PCDHA5: variants seen among roughly 807,000 people sequenced by gnomAD.
The protein encoded by PCDHA5 is protocadherin alpha-5.
PCDHA5 carries 43 observed loss-of-function variants against 61.6 expected under a neutral mutation model. The observed-to-expected ratio is 0.70, with a 90% CI of 0.55 to 0.90. PCDHA5 has a LOEUF of 0.90. Among genes scored for constraint, PCDHA5 ranks in the 40% least tolerant of loss-of-function variants. The pLI, the probability that PCDHA5 is intolerant of heterozygous loss-of-function variation, is 0.00. For synonymous variants in PCDHA5, 627 were observed against 543.9 expected, an observed-to-expected ratio of 1.15 and a Z score of -2.13; for missense variants, 1,298 against 1,222.7, an observed-to-expected ratio of 1.06 and a Z score of -0.92.
intron 1 of PCDHA5, among the ~76,000 whole-genome samples, chr5:140,959,018 A>T (rs1374346226): frequency 6.6e-6 from 1 of 152,078 alleles, no homozygotes; most frequent in Non-Finnish European, 1.5e-5. Flanking sequence ...TTTATACATT[A>T]AGCTTTATCA....
At chr5:140,929,228 A>G in intron 1 of PCDHA5, 1 of 1,613,898 alleles carries the variant, frequency 6.2e-7, no homozygotes, top group Non-Finnish European at 8.5e-7. Flanking sequence ...AATGCTGCCG[A>G]CCTGCGAAAT....
chr5:140,898,033 GTTGT>G (rs2066486498), intron 1 of PCDHA5, among the ~76,000 whole-genome samples: 1 of 152,032 alleles, frequency 6.6e-6, no homozygotes, highest in South Asian at 2.1e-4. Flanking sequence ...TTTTGATGGG[GTTGT>G]TTGTTTTTTT....
intron 1 of PCDHA5, chr5:140,871,289 G>T (rs955449203): frequency 6.2e-7 from 1 of 1,613,910 alleles, no homozygotes; most frequent in Non-Finnish European, 8.5e-7. Flanking sequence ...CCCACTGAGG[G>T]CGCGTGCGCG....
rs2150467797 is a variant in PCDHA5 at position 140,850,109 on chromosome 5, C to G, written c.2352+25982C>G. ...TGCTACAGTTCCAGGTGAGCGCGCG[C>G]GACGCGGGCGTGCCGCCTCTGGGCA... On this transcript the variant is annotated intron_variant, in intron 1 of 3. Coordinates refer to ENST00000529859, the MANE Select transcript of PCDHA5 (RefSeq NM_018908.3). 1.1e-4 allele frequency: 170 copies of G among 1,596,054 alleles called. 9 individuals are homozygous for G. Among genetic ancestry groups the G allele is most frequent in the Non-Finnish European group, 2.6e-5 (30 of 1,167,820 alleles).
chr5:140,919,455 ATGT>A (rs2079137711), intron 1 of PCDHA5, among the ~76,000 whole-genome samples: 1 of 152,118 alleles, frequency 6.6e-6, no homozygotes, highest in Admixed American at 6.5e-5. Flanking sequence ...TATTCACATG[ATGT>A]TACTATTGAT....
chr5:140,865,389 A>T (rs1184678268), intron 1 of PCDHA5: 2 of 152,350 alleles, frequency 1.3e-5, no homozygotes, highest in Non-Finnish European at 2.9e-5. Flanking sequence ...GGGTAAAGTT[A>T]ATATAAATGC....
In PCDHA5 at chr5:140,844,364, G is replaced by A. The variant is rs1281881070; in HGVS notation, c.2352+20237G>A. Reference sequence around the variant, plus strand: ...AGTAAAATCAAGAGGGAAGAGATTTGTAATCCTTCTTTTAATTCATTATTT... The same window carrying A: ...AGTAAAATCAAGAGGGAAGAGATTTATAATCCTTCTTTTAATTCATTATTT... On this transcript the variant is annotated intron_variant, in intron 1 of 3. Coordinates refer to ENST00000529859, the MANE Select transcript of PCDHA5 (RefSeq NM_018908.3). Among the ~76,000 whole-genome samples, 3 of 149,238 alleles carry A rather than the reference G, an allele frequency of 2.0e-5. 1 individual carries two copies. The highest frequency in any genetic ancestry group is 4.5e-5 in the Non-Finnish European group (3 of 66,742).
At position 140,881,209 on chromosome 5, in the gene PCDHA5, G is replaced by C. The variant is rs74494049; in HGVS notation, c.2352+57082G>C. The C allele has an allele frequency of 3.6e-3, 703 of 194,982 alleles. 1 individual carries two copies. The highest frequency in any genetic ancestry group is 0.016 in the African/African-American group (679 of 42,430). 12.1% of individuals were successfully genotyped at this position (194,982 alleles called of 1,614,324 possible). On this transcript the variant is annotated intron_variant, in intron 1 of 3. Transcript: ENST00000529859. Reference sequence around the variant, plus strand: ...GATATGTTAACATCTTTGTCTAGCTGTTGTTTCTTGGAAAATTAAAGTCAA... The same window carrying C: ...GATATGTTAACATCTTTGTCTAGCTCTTGTTTCTTGGAAAATTAAAGTCAA...
At chr5:140,833,823 A>G (rs1772674429) in intron 1 of PCDHA5, among the ~76,000 whole-genome samples, 3 of 152,162 alleles carry the variant, frequency 2.0e-5, no homozygotes, top group Admixed American at 1.3e-4. Flanking sequence ...CTGGGTCCCT[A>G]AAAGAGTACA....
chr5:140,848,807 C>G, intron 1 of PCDHA5: 1 of 1,591,972 alleles, frequency 6.3e-7, no homozygotes, highest in East Asian at 2.2e-5. Context: ...AGTGCAGCAT[C>G]CACCTGGAGG....
At chr5:140,943,008 G>A (rs2093405058) in intron 1 of PCDHA5, among the ~76,000 whole-genome samples, 2 of 152,052 alleles carry the variant, frequency 1.3e-5, no homozygotes, top group African/African-American at 4.8e-5. Context: ...TGTAATCCCA[G>A]CACTTTGGGA....
chr5:140,998,433 C>CTA (rs2097813622), intron 3 of PCDHA5, among the ~76,000 whole-genome samples: 2 of 152,160 alleles, frequency 1.3e-5, no homozygotes, highest in Admixed American at 1.3e-4. Flanking sequence ...TCCTTTAACA[C>CTA]TATTATTGTA....
intron 3 of PCDHA5, among the ~76,000 whole-genome samples, chr5:140,987,520 G>T (rs1221115195): frequency 2.0e-5 from 3 of 152,106 alleles, no homozygotes; most frequent in Non-Finnish European, 4.4e-5. Context: ...CTCAGTAATT[G>T]TATGTTCCTG....
Position 141,005,651 on chromosome 5 carries a change from G to A in PCDHA5, c.2501-3976G>A, listed in dbSNP as rs1554260215. ...CGGGAGGCGGAGCTTGCAGTGAGTC[G>A]AGATCGCGCCACTGCACTCCAGCCT... On this transcript the variant is annotated intron_variant, in intron 3 of 3. Coordinates refer to ENST00000529859, the MANE Select transcript of PCDHA5 (RefSeq NM_018908.3). Among the ~76,000 whole-genome samples, 4 of 131,238 alleles carry A rather than the reference G, an allele frequency of 3.0e-5. No homozygotes were observed. In the East Asian group the frequency reaches 7.0e-4, roughly 23 times the overall value. The allele number at this position is 131,238 out of a possible 152,430, so 86.1% of individuals were successfully genotyped here.
intron 1 of PCDHA5, among the ~76,000 whole-genome samples, chr5:140,925,786 T>C (rs2082719026): frequency 1.3e-5 from 2 of 152,144 alleles, no homozygotes; most frequent in African/African-American, 4.8e-5. Context: ...CTAATGAGTA[T>C]CTCAGTACTT....
intron 1 of PCDHA5, chr5:140,884,558 C>T: frequency 3.7e-6 from 6 of 1,614,146 alleles, no homozygotes; most frequent in Non-Finnish European, 5.1e-6. Flanking sequence ...TGGGGAGGGC[C>T]CGCATAAGAC....
intron 3 of PCDHA5, among the ~76,000 whole-genome samples, chr5:141,004,289 CAG>C (rs1383902638): frequency 1.3e-5 from 2 of 152,130 alleles, no homozygotes; most frequent in Non-Finnish European, 2.9e-5. Context: ...GCTGAGCTCT[CAG>C]AGATGTTTGT....
intron 1 of PCDHA5, among the ~76,000 whole-genome samples, chr5:140,872,587 A>AC (rs777810037): frequency 6.0e-4 from 91 of 152,014 alleles, no homozygotes; most frequent in Middle Eastern, 3.4e-3. Flanking sequence ...TCATCGTGAG[A>AC]CCCCCATCTG....
chr5:140,967,385 C>G (rs2096135382), intron 1 of PCDHA5: 1 of 1,608,920 alleles, frequency 6.2e-7, no homozygotes, highest in African/African-American at 1.3e-5. Flanking sequence ...CAGTAAAGTG[C>G]TTGAGCTGGT....
Sources: allele counts gnomAD v4.1 joint callset (sites outside exome capture counted in the v4.1 genomes callset), GRCh38; gene constraint gnomAD v4.1.1; transcripts MANE v1.5; gene names NCBI Gene and HGNC (gene_info 2026-07-23, HGNC 2026-07-21).